Variants in TMEM132C observed in about 807,000 individuals in gnomAD.
The protein encoded by TMEM132C is transmembrane protein 132C.
Under a neutral mutation model 61.4 loss-of-function variants are expected in TMEM132C, and 29 were observed. That is an observed-to-expected ratio of 0.47 (90% CI 0.35 to 0.64). TMEM132C has a LOEUF of 0.64. Among genes scored for constraint, TMEM132C ranks in the 30% least tolerant of loss-of-function variants. TMEM132C has a pLI of 0.00. For synonymous variants in TMEM132C, 656 were observed against 633.1 expected (o/e 1.04, Z -0.54); for missense variants, 1,408 against 1,476.9 (o/e 0.95, Z 0.76).
intron 2 of TMEM132C, among the ~76,000 whole-genome samples, chr12:128,542,977 T>G (rs1239934278): frequency 6.7e-6 from 1 of 150,290 alleles, no homozygotes; most frequent in African/African-American, 2.5e-5. Context: ...CTCCTGTGAG[T>G]GGGATGAAGG....
intron 3 of TMEM132C, among the ~76,000 whole-genome samples, chr12:128,561,306 C>T (rs1024349082): frequency 3.3e-5 from 5 of 152,186 alleles, no homozygotes; most frequent in African/African-American, 1.2e-4. Flanking sequence ...AAATATAGAG[C>T]TTCTTCATCT....
intron 4 of TMEM132C, among the ~76,000 whole-genome samples, chr12:128,668,148 C>T (rs555524570): frequency 1.4e-3 from 219 of 152,180 alleles, no homozygotes; most frequent in Non-Finnish European, 2.4e-3. Context: ...GGCATGGTGA[C>T]ACTTGCCTAT....
At chr12:128,505,816 T>C (rs1766086776) in intron 2 of TMEM132C, among the ~76,000 whole-genome samples, 1 of 152,184 alleles carries the variant, frequency 6.6e-6, no homozygotes, top group African/African-American at 2.4e-5. Context: ...AAGACTCATC[T>C]CAGGGCTTGG....
intron 3 of TMEM132C, among the ~76,000 whole-genome samples, chr12:128,584,527 C>A (rs1335855802): frequency 1.3e-5 from 2 of 152,202 alleles, no homozygotes; most frequent in Non-Finnish European, 2.9e-5. Flanking sequence ...GGTTTCCTAC[C>A]TTTTGTGTAT....
At chr12:128,393,237 T>C (rs1029074676) in intron 1 of TMEM132C, among the ~76,000 whole-genome samples, 1 of 152,214 alleles carries the variant, frequency 6.6e-6, no homozygotes, top group African/African-American at 2.4e-5. Flanking sequence ...CCTTGCTCAC[T>C]TGCAGCTAAT....
chr12:128,550,787 A>G (rs961371054), intron 3 of TMEM132C, among the ~76,000 whole-genome samples: 38 of 152,224 alleles, frequency 2.5e-4, no homozygotes, highest in Non-Finnish European at 7.3e-5. Context: ...TGGCTCTGTC[A>G]TCCTGAACCT....
intron 1 of TMEM132C, among the ~76,000 whole-genome samples, chr12:128,294,843 A>C (rs1467861512): frequency 6.6e-6 from 1 of 152,162 alleles, no homozygotes; most frequent in Non-Finnish European, 1.5e-5. Flanking sequence ...GAGGATTTCA[A>C]CACATGAATT....
intron 4 of TMEM132C, among the ~76,000 whole-genome samples, chr12:128,653,962 G>C (rs2135613594): frequency 6.6e-6 from 1 of 152,284 alleles, no homozygotes; most frequent in Non-Finnish European, 1.5e-5. Context: ...GGTGACACCA[G>C]CCCTTTCTAC....
intron 2 of TMEM132C, among the ~76,000 whole-genome samples, chr12:128,425,562 A>C (rs1261397017): frequency 6.6e-6 from 1 of 152,206 alleles, no homozygotes; most frequent in African/African-American, 2.4e-5. Context: ...CGGCTGCCAT[A>C]ACAAATTGTC....
rs1326310756 is a variant in TMEM132C, at chr12:128,267,367, G to A, written c.-36G>A. The A allele has an allele frequency of 2.9e-6, 3 of 1,039,528 alleles. No individual in the cohort carries two copies. The highest frequency in any genetic ancestry group is 7.3e-5 in the East Asian group (1 of 13,608). 64.4% of individuals were successfully genotyped at this position (1,039,528 alleles called of 1,614,324 possible). On this transcript the variant is annotated 5_prime_UTR_variant, in exon 1 of 9. Transcript: ENST00000435159. Reference sequence around the variant, plus strand: ...GCCGCGGGCGGGCGCTGCGCTTCGGGCTGGCGGCGGGCTGCGTGAGCGGCC... The same window carrying A: ...GCCGCGGGCGGGCGCTGCGCTTCGGACTGGCGGCGGGCTGCGTGAGCGGCC...
At chr12:128,323,403 G>T (rs1457851845) in intron 1 of TMEM132C, among the ~76,000 whole-genome samples, 1 of 152,242 alleles carries the variant, frequency 6.6e-6, no homozygotes, top group Non-Finnish European at 1.5e-5. Context: ...GACGAAGCAG[G>T]AATTTTAGCC....
intron 1 of TMEM132C, among the ~76,000 whole-genome samples, chr12:128,317,214 T>C (rs1468225082): frequency 6.6e-6 from 1 of 152,132 alleles, no homozygotes; most frequent in East Asian, 1.9e-4. Context: ...TAAGCAAAAC[T>C]TTCTCCTTTC....
At chr12:128,608,538 A>G (rs889825110) in intron 3 of TMEM132C, among the ~76,000 whole-genome samples, 1 of 152,222 alleles carries the variant, frequency 6.6e-6, no homozygotes, top group African/African-American at 2.4e-5. Flanking sequence ...TTCAGAACCC[A>G]GAGTTGTAAG....
At chr12:128,438,226 T>C (rs1869665173) in intron 2 of TMEM132C, 1 of 152,018 alleles carries the variant, frequency 6.6e-6, no homozygotes, top group African/African-American at 2.4e-5. Context: ...AGTGTTGGAG[T>C]TGGGGCCTAA....
chr12:128,666,283 GCA>G (rs1288710269), intron 4 of TMEM132C, among the ~76,000 whole-genome samples: 1 of 143,090 alleles, frequency 7.0e-6, no homozygotes, highest in Non-Finnish European at 1.5e-5. Context: ...ACAAACACAG[GCA>G]CACACATACA....
chr12:128,307,985 G>A (rs1291146878), intron 1 of TMEM132C, among the ~76,000 whole-genome samples: 1 of 152,214 alleles, frequency 6.6e-6, no homozygotes, highest in African/African-American at 2.4e-5. Context: ...ACATTCCATG[G>A]GAATGAGAGG....
chr12:128,608,214 A>T (rs569457644), intron 3 of TMEM132C, among the ~76,000 whole-genome samples: 7 of 152,230 alleles, frequency 4.6e-5, no homozygotes, highest in Non-Finnish European at 7.3e-5. Context: ...ATATGCATTA[A>T]GCTCTACACA....
chr12:128,349,730 T>C (rs1010129624), intron 1 of TMEM132C, among the ~76,000 whole-genome samples: 2 of 152,148 alleles, frequency 1.3e-5, no homozygotes, highest in African/African-American at 4.8e-5. Flanking sequence ...CCAGTTGGGA[T>C]TTTTTCACGT....
intron 4 of TMEM132C, among the ~76,000 whole-genome samples, chr12:128,652,811 C>T (rs1266702680): frequency 3.3e-5 from 5 of 152,188 alleles, no homozygotes; most frequent in African/African-American, 7.2e-5. Flanking sequence ...CATAAATCCA[C>T]GGGATTATTC....
Sources: allele counts gnomAD v4.1 joint callset (sites outside exome capture counted in the v4.1 genomes callset), GRCh38; gene constraint gnomAD v4.1.1; transcripts MANE v1.5; gene names NCBI Gene and HGNC (gene_info 2026-07-23, HGNC 2026-07-21).